Variants in KRT86 observed in about 807,000 individuals in gnomAD.
The protein encoded by KRT86 is keratin, type II cuticular Hb6.
In KRT86, 30 loss-of-function variants were observed where a neutral mutation model predicts 41.2. The observed-to-expected ratio is 0.73, with a 90% CI of 0.54 to 0.99. The LOEUF (loss-of-function observed/expected upper bound fraction) is 0.99, where lower values mean the gene tolerates loss of function less well. Among genes scored for constraint, KRT86 ranks in the 50% least tolerant of loss-of-function variants. KRT86 has a pLI of 0.00. For synonymous variants in KRT86, 238 were observed against 238.1 expected (o/e 1.00, Z 0.00); for missense variants, 561 against 571.4 (o/e 0.98, Z 0.19).
chr12:52,299,398 A>G (rs970195047), intron 2 of KRT86, among the ~76,000 whole-genome samples: 1 of 152,200 alleles, frequency 6.6e-6, no homozygotes, highest in African/African-American at 2.4e-5. Flanking sequence ...ATAGCGCTGC[A>G]ATAAACGTGG....
intron 2 of KRT86, chr12:52,285,934 AAC>A (rs1937914259): frequency 4.8e-6 from 2 of 419,740 alleles, no homozygotes; most frequent in South Asian, 4.6e-5. Context: ...AATTTATTGA[AAC>A]ACAGATCAAG....
In KRT86 at chr12:52,308,741, C is replaced by T. The variant is rs955428997; in HGVS notation, c.*156C>T. 9 of 702,302 alleles carry T rather than the reference C, an allele frequency of 1.3e-5. No individual in the cohort carries two copies. The South Asian group carries it at 1.5e-4, about 12-fold the overall frequency. 43.5% of individuals were successfully genotyped at this position (702,302 alleles called of 1,614,324 possible). ...CCCACCGCTCCGCTCCGGGAGCCATCCCCGGTCGCAGGAGTCCGGGGAGGG... is the reference window on the plus strand; with the variant it reads ...CCCACCGCTCCGCTCCGGGAGCCATTCCCGGTCGCAGGAGTCCGGGGAGGG... On this transcript the variant is annotated 3_prime_UTR_variant, in exon 11 of 11. Transcript: ENST00000423955.
intron 9 of KRT86, 119 bp downstream of exon 9, chr12:52,306,399 A>G: frequency 6.7e-7 from 1 of 1,501,622 alleles, no homozygotes; most frequent in Non-Finnish European, 9.1e-7. Flanking sequence ...GCAACCAGAC[A>G]GGTAATTTGT....
chr12:52,305,987 C>A, intron 8 of KRT86, 73 bp from the exon 9 acceptor site: 1 of 1,593,408 alleles, frequency 6.3e-7, no homozygotes, highest in Non-Finnish European at 8.6e-7. Flanking sequence ...TGGTGGGGAG[C>A]ATGGTCTCAT....
chr12:52,304,832 G>A, intron 5 of KRT86, 100 bp from the exon 6 acceptor site: 1 of 1,290,012 alleles, frequency 7.8e-7, no homozygotes, highest in Non-Finnish European at 1.1e-6. Context: ...AGACACTGGG[G>A]ACTCCTTTCC....
intron 2 of KRT86, chr12:52,287,044 G>T (rs1725903069): frequency 1.9e-6 from 3 of 1,612,006 alleles, no homozygotes; most frequent in African/African-American, 1.3e-5. Context: ...AAGGCCAAGG[G>T]TAGGCTTGTG....
In KRT86 at chr12:52,294,710, A is replaced by G. The variant is rs1050070237; in HGVS notation, c.-4-7203A>G. Among the ~76,000 whole-genome samples, 5 of 151,950 alleles carry G rather than the reference A, an allele frequency of 3.3e-5. 2 individuals carry two copies. ...CATGTGTGTATTTCAGGAGCTTCCT[A>G]TGTACCTTGTTCTGATTGTACCCTA... On this transcript the variant is annotated intron_variant, in intron 2 of 10. Coordinates refer to ENST00000423955, the MANE Select transcript of KRT86 (RefSeq NM_001320198.2).
At chr12:52,288,125 G>A (rs1486643426) in intron 2 of KRT86, 1 of 1,614,012 alleles carries the variant, frequency 6.2e-7, no homozygotes. Context: ...TGTCTGAGAT[G>A]TGCGACTGGA....
At chr12:52,285,859 C>T in intron 2 of KRT86, 1 of 264,314 alleles carries the variant, frequency 3.8e-6, no homozygotes, top group South Asian at 4.8e-5. Flanking sequence ...CTTTGGGGAC[C>T]CTCCCTAACC....
At chr12:52,288,609 G>C (rs1249811652) in intron 2 of KRT86, among the ~76,000 whole-genome samples, 3 of 152,054 alleles carry the variant, frequency 2.0e-5, no homozygotes, top group Non-Finnish European at 4.4e-5. Context: ...CCTGGGATGA[G>C]CTGGCATCCT....
At chr12:52,306,975 C>T (rs1938533587) in intron 9 of KRT86, 1 of 154,090 alleles carries the variant, frequency 6.5e-6, no homozygotes, top group African/African-American at 2.4e-5. Flanking sequence ...GGACAACACT[C>T]CCAGAATGTG....
At position 52,301,731 on chromosome 12, in the gene KRT86, C is replaced by G. The variant is rs902419499; in HGVS notation, c.-4-182C>G. ...CCAATTAAGTACATTAAGTGGGGAG[C>G]GACAGCAGCTAAACAACCCAAGCCC... On this transcript the variant is annotated intron_variant, in intron 2 of 10. Coordinates refer to ENST00000423955, the MANE Select transcript of KRT86 (RefSeq NM_001320198.2). 5.3e-6 allele frequency: 6 copies of G among 1,137,118 alleles called. No homozygotes were observed. The African/African-American group carries it at 9.3e-5, about 18-fold the overall frequency. 70.4% of individuals were successfully genotyped at this position (1,137,118 alleles called of 1,614,324 possible). A position where few individuals can be genotyped will look rare whatever the true frequency, so the allele number is the denominator to read the frequency against.
intron 2 of KRT86, 115 bp from the exon 3 acceptor site, chr12:52,301,797 TC>T (rs1938383505): frequency 6.2e-7 from 1 of 1,607,504 alleles, no homozygotes. Flanking sequence ...GGTCACAGTC[TC>T]CCCACTTATA....
intron 2 of KRT86, chr12:52,285,992 A>C: frequency 1.9e-6 from 1 of 530,238 alleles, no homozygotes; most frequent in Non-Finnish European, 3.4e-6. Flanking sequence ...GCCGTGGGCA[A>C]GGTTCTGGTC....
At chr12:52,288,594 C>A (rs1938043543) in intron 2 of KRT86, 14 of 1,083,756 alleles carry the variant, frequency 1.3e-5, no homozygotes, top group Non-Finnish European at 2.0e-5. Context: ...TCCCCTTCTG[C>A]CCTTCCTGGG....
At chr12:52,278,843 C>G (rs971822728) in intron 2 of KRT86, 6 of 151,882 alleles carry the variant, frequency 4.0e-5, no homozygotes, top group African/African-American at 9.7e-5. Flanking sequence ...TGTGCCTCTC[C>G]TTTTGTCGGG....
intron 2 of KRT86, among the ~76,000 whole-genome samples, chr12:52,284,215 A>T (rs1390673035): frequency 1.3e-5 from 2 of 152,064 alleles, no homozygotes; most frequent in African/African-American, 2.4e-5. Flanking sequence ...TTTTTGAAAC[A>T]GGGTCTTGCT....
chr12:52,288,504 C>G, intron 2 of KRT86: 2 of 1,603,252 alleles, frequency 1.2e-6, no homozygotes, highest in Non-Finnish European at 1.7e-6. Context: ...GTGATCCAGC[C>G]CCCAGACTCC....
At chr12:52,286,988 G>A in intron 2 of KRT86, 1 of 1,586,732 alleles carries the variant, frequency 6.3e-7, no homozygotes. Flanking sequence ...CACCGGAAGT[G>A]AATAATAATA....
Sources: allele counts gnomAD v4.1 joint callset (sites outside exome capture counted in the v4.1 genomes callset), GRCh38; gene constraint gnomAD v4.1.1; transcripts MANE v1.5; gene names NCBI Gene and HGNC (gene_info 2026-07-23, HGNC 2026-07-21).